GCFC2: variants seen among roughly 807,000 people sequenced by gnomAD.
The protein encoded by GCFC2 is intron Large complex component GCFC2.
In GCFC2, 102 loss-of-function variants were observed where a neutral mutation model predicts 99.4. The ratio of observed to expected loss-of-function variants is 1.03; its 90% CI spans 0.87 to 1.21. The LOEUF is 1.21. GCFC2 is among the 50% of genes most tolerant of loss of function. The pLI is 0.00. For synonymous variants in GCFC2, 338 were observed against 316.8 expected (o/e 1.07, Z -0.71); for missense variants, 973 against 920.9 (o/e 1.06, Z -0.73).
intron 11 of GCFC2, among the ~76,000 whole-genome samples, chr2:75,683,771 C>CAAAAAAAAAAGAAAAA (rs1679684374): frequency 1.7e-5 from 1 of 60,426 alleles, no homozygotes; most frequent in Admixed American, 2.3e-4. Flanking sequence ...AAATGGAAAG[C>CAAAAAAAAAAGAAAAA]AAAAAAAAAA....
chr2:75,688,287 A>C (rs936045499), intron 10 of GCFC2, among the ~76,000 whole-genome samples: 1 of 152,228 alleles, frequency 6.6e-6, no homozygotes, highest in African/African-American at 2.4e-5. Context: ...TTGGAGCAAA[A>C]TACAAATTTG....
At chr2:75,686,983 G>A (rs189532872) in intron 11 of GCFC2, among the ~76,000 whole-genome samples, 5 of 150,674 alleles carry the variant, frequency 3.3e-5, no homozygotes, top group African/African-American at 1.2e-4. Context: ...CACCCAGGCT[G>A]GAGTGCAATG....
chr2:75,686,215 TAA>T (rs1679809299), intron 11 of GCFC2, among the ~76,000 whole-genome samples: 1 of 152,204 alleles, frequency 6.6e-6, no homozygotes, highest in South Asian at 2.1e-4. Context: ...AAATGCACCA[TAA>T]GTTTCATTGA....
chr2:75,673,472 C>A lies in GCFC2; in HGVS notation c.1861G>T (p.Asp621Tyr). Reference sequence around the variant, plus strand: ...TTTGGATACAGAGGAATAAAAACATCATCTTCTACTGCCTTTTTCATTCTT... The same window carrying A: ...TTTGGATACAGAGGAATAAAAACATAATCTTCTACTGCCTTTTTCATTCTT... ...VSRMKKAVED[D>Y]VFIPLYPKSA... Residue 621 changes from aspartate to tyrosine, a missense_variant, in exon 13 of 17, where the codon GAT becomes TAT. Transcript: ENST00000321027. The A allele has an allele frequency of 7.0e-7, 1 of 1,434,344 alleles. No individual in the cohort carries two copies. Among genetic ancestry groups the A allele is most frequent in the Non-Finnish European group, 9.8e-7 (1 of 1,016,422 alleles). 88.9% of individuals were successfully genotyped at this position (1,434,344 alleles called of 1,614,324 possible).
chr2:75,686,631 C>T (rs1679828526), intron 11 of GCFC2, among the ~76,000 whole-genome samples: 2 of 152,064 alleles, frequency 1.3e-5, no homozygotes, highest in East Asian at 1.9e-4. Flanking sequence ...GGAGTCCTAG[C>T]TAATTGGGAG....
intron 16 of GCFC2, among the ~76,000 whole-genome samples, 166 bp downstream of exon 16, chr2:75,665,763 T>TA (rs2104174777): frequency 6.6e-6 from 1 of 152,326 alleles, no homozygotes; most frequent in African/African-American, 2.4e-5. Flanking sequence ...AAAATATGGA[T>TA]ATGCATAAGC....
At chr2:75,710,374 T>G in intron 1 of GCFC2, 1 of 1,144,646 alleles carries the variant, frequency 8.7e-7, no homozygotes, top group Non-Finnish European at 1.1e-6. Flanking sequence ...ATTGTTTTAT[T>G]TCCCCCAAGG....
chr2:75,704,693 G>C (rs1454329012), intron 2 of GCFC2, among the ~76,000 whole-genome samples: 1 of 152,100 alleles, frequency 6.6e-6, no homozygotes, highest in Admixed American at 6.5e-5. Flanking sequence ...TTTTTTGTTT[G>C]TTTGGTTTTG....
intron 11 of GCFC2, among the ~76,000 whole-genome samples, chr2:75,685,400 CA>C (rs1483936661): frequency 6.6e-6 from 1 of 152,176 alleles, no homozygotes; most frequent in Non-Finnish European, 1.5e-5. Context: ...GCGCTCTTAG[CA>C]AATCACAGAT....
At chr2:75,680,057 A>C in intron 12 of GCFC2, 136 bp downstream of exon 12, 1 of 642,160 alleles carries the variant, frequency 1.6e-6, no homozygotes, top group Non-Finnish European at 2.5e-6. Flanking sequence ...TAGTTTCTAT[A>C]AATCAAAAGT....
At chr2:75,680,012 T>G (rs1257751555) in intron 12 of GCFC2, among the ~76,000 whole-genome samples, 181 bp downstream of exon 12, 1 of 135,270 alleles carries the variant, frequency 7.4e-6, no homozygotes, top group Non-Finnish European at 1.5e-5. Flanking sequence ...TTTAAAAAAT[T>G]TTTTTTTCAT....
Position 75,665,975 on chromosome 2 carries a change from G to C in GCFC2, c.2182C>G (p.Gln728Glu), listed in dbSNP as rs141965995. 1.7e-3 allele frequency: 2,791 copies of C among 1,596,250 alleles called. 7 individuals are homozygous for C. The highest frequency in any genetic ancestry group is 2.1e-3 in the Non-Finnish European group (2,497 of 1,165,116). Reference protein sequence around the residue: ...TSIPQLENFIQFLLQSAHKLS... With the variant: ...TSIPQLENFIEFLLQSAHKLS... ...TTATGTGCAGACTGCAATAAAAACT[G>C]AATGAAGTTTTCTAGCTGTGGAATA... Residue 728 changes from glutamine to glutamate, a missense_variant, in exon 16 of 17, where the codon CAG (glutamine) becomes GAG (glutamate). Transcript: ENST00000321027.
intron 2 of GCFC2, among the ~76,000 whole-genome samples, chr2:75,704,474 T>G (rs2298945): frequency 0.5 from 75,838 of 152,118 alleles, 20,452 homozygotes; most frequent in African/African-American, 0.73. Context: ...GCATAGGGGA[T>G]GGGCAATTCA....
At chr2:75,705,821 A>G (rs1010113248) in intron 2 of GCFC2, among the ~76,000 whole-genome samples, 1 of 152,320 alleles carries the variant, frequency 6.6e-6, no homozygotes, top group East Asian at 1.9e-4. Flanking sequence ...AAACCTCTGT[A>G]AGACGCCAGA....
chr2:75,689,018 A>G lies in GCFC2; in HGVS notation c.1539+8T>C. 6.9e-7 allele frequency: 1 copy of G among 1,454,320 alleles called. No homozygotes were observed. 90.1% of individuals were successfully genotyped at this position (1,454,320 alleles called of 1,614,324 possible). The stretch of plus-strand genomic sequence containing the variant: ...CAGGATAATTTTTCATATGTTAAGC[A>G]TAAATACCTTAAGAGGATTCCAATC... On this transcript the variant is annotated splice_region_variant and intron_variant, in intron 10 of 16. Transcript: ENST00000321027.
Position 75,702,322 on chromosome 2 carries a change from A to C in GCFC2, c.496T>G (p.Ser166Ala). ...YISLDVQHTS[S>A]ISGMKRESED... ...CTCTCTCTCTTCATACCAGAGATGG[A>C]GGAGGTATGTTGTACATCCAAAGAA... The change falls in exon 3 of 17, where the codon TCC becomes GCC. Residue 166 changes from serine to alanine, a missense_variant. Ser to Ala is a moderately conservative substitution (Grantham distance 99). Transcript: ENST00000321027. 1 of 1,612,988 alleles carries C rather than the reference A, an allele frequency of 6.2e-7. No individual in the cohort carries two copies. The highest frequency in any genetic ancestry group is 8.5e-7 in the Non-Finnish European group (1 of 1,178,984).
upstream of GCFC2, chr2:75,711,047 C>T: frequency 7.5e-7 from 1 of 1,332,080 alleles, no homozygotes; most frequent in South Asian, 2.0e-5. Flanking sequence ...AGGCCGAGTT[C>T]TGTTCTGGGG....
intron 4 of GCFC2, 57 bp downstream of exon 4, chr2:75,701,133 G>A (rs1379945441): frequency 3.6e-5 from 34 of 938,890 alleles, no homozygotes; most frequent in South Asian, 1.6e-4. Context: ...CCAAGTTTGT[G>A]GTAATTTGTT....
At chr2:75,683,725 G>C (rs1679678195) in intron 11 of GCFC2, among the ~76,000 whole-genome samples, 1 of 136,870 alleles carries the variant, frequency 7.3e-6, no homozygotes. Flanking sequence ...ACACACACTG[G>C]CTCAAAATAA....
Sources: allele counts gnomAD v4.1 joint callset (sites outside exome capture counted in the v4.1 genomes callset), GRCh38; gene constraint gnomAD v4.1.1; transcripts MANE v1.5; gene names NCBI Gene and HGNC (gene_info 2026-07-23, HGNC 2026-07-21).